Variants in ADGRL2 observed in about 807,000 individuals in gnomAD.
ADGRL2 encodes the protein calcium-independent alpha-latrotoxin receptor 2.
A neutral mutation model predicts 157.4 loss-of-function variants in ADGRL2; 44 were observed. The observed-to-expected ratio is 0.28, with a 90% CI of 0.22 to 0.36. The LOEUF is 0.36. ADGRL2 is among the 10% of genes least tolerant of loss of function. The probability of loss-of-function intolerance (pLI) is 1.00; values close to 1 mark genes in which losing one functional copy is unlikely to be tolerated. For missense variants in ADGRL2, 1,510 were observed against 1,768.9 expected, an observed-to-expected ratio of 0.85 and a Z score of 2.63; for synonymous variants, 585 against 624.7, an observed-to-expected ratio of 0.94 and a Z score of 0.95.
chr1:81,510,128 G>A (rs2079049448), intron 2 of ADGRL2, among the ~76,000 whole-genome samples: 1 of 152,078 alleles, frequency 6.6e-6, no homozygotes, highest in African/African-American at 2.4e-5. Flanking sequence ...TGCCTCTTTC[G>A]AAATCAAAGG....
chr1:81,524,225 A>C (rs1333532936), intron 2 of ADGRL2, among the ~76,000 whole-genome samples: 1 of 151,156 alleles, frequency 6.6e-6, no homozygotes, highest in Non-Finnish European at 1.5e-5. Context: ...AATTAGCCGG[A>C]TGTGGTGACG....
intron 1 of ADGRL2, among the ~76,000 whole-genome samples, chr1:81,741,515 G>A (rs1047066037): frequency 6.6e-6 from 1 of 151,864 alleles, no homozygotes; most frequent in African/African-American, 2.4e-5. Flanking sequence ...TTCTTATAAG[G>A]CTTGGGATCT....
intron 1 of ADGRL2, among the ~76,000 whole-genome samples, chr1:81,343,888 G>A (rs1429667298): frequency 2.6e-5 from 4 of 152,120 alleles, no homozygotes; most frequent in African/African-American, 7.2e-5. Flanking sequence ...AATACATTTG[G>A]GAGTGGGACT....
chr1:81,687,565 A>G (rs905937734), intron 3 of ADGRL2, among the ~76,000 whole-genome samples: 4 of 152,180 alleles, frequency 2.6e-5, no homozygotes, highest in Non-Finnish European at 4.4e-5. Flanking sequence ...TGAAGGCATC[A>G]GATGGTTGGT....
At chr1:81,770,153 CTTTTTTTTTTTTTTT>C (rs150798264) in intron 2 of ADGRL2, among the ~76,000 whole-genome samples, 1 of 59,612 alleles carries the variant, frequency 1.7e-5, no homozygotes, top group African/African-American at 7.6e-5. Flanking sequence ...CTGCACCCAG[CTTTTTTTTTTTTTTT>C]TTTTTTTTTT....
rs188906386 is a variant in ADGRL2 at position 81,621,991 on chromosome 1, C to T, written c.-143+41011C>T. ...AGTGGTTCCACCGTAGGTTGAAAGC[C>T]TCTCCGTCTTCAGTTATCATTTGAA... On this transcript the variant is annotated intron_variant, in intron 3 of 24. Coordinates refer to the ADGRL2 transcript ENST00000370721. 3.9e-5 allele frequency among the ~76,000 whole-genome samples: 6 copies of T among 152,248 alleles called. No individual in the cohort carries two copies. The East Asian group carries it at 1.2e-3, about 29-fold the overall frequency.
chr1:81,794,094 T>C (rs939903436), intron 2 of ADGRL2, among the ~76,000 whole-genome samples: 1 of 152,164 alleles, frequency 6.6e-6, no homozygotes, highest in African/African-American at 2.4e-5. Flanking sequence ...TCTCCTCATA[T>C]ATAGCAGTAA....
At position 81,343,502 on chromosome 1, in the gene ADGRL2, T is replaced by G. The variant is rs576315666; in HGVS notation, c.-302+36993T>G. ...AGAATTCAGAACTATCATTTCCTTGTGTCTGAGCTTAGGCTGCTATAACAA... is the reference window on the plus strand; with the variant it reads ...AGAATTCAGAACTATCATTTCCTTGGGTCTGAGCTTAGGCTGCTATAACAA... On this transcript the variant is annotated intron_variant, in intron 1 of 24. Transcript: ENST00000370721. Among the ~76,000 whole-genome samples, 13 of 152,336 alleles carry G rather than the reference T, an allele frequency of 8.5e-5. No individual in the cohort carries two copies. The South Asian group carries it at 2.7e-3, about 32-fold the overall frequency.
chr1:81,458,667 C>T (rs913315246), intron 2 of ADGRL2, among the ~76,000 whole-genome samples: 3 of 152,196 alleles, frequency 2.0e-5, no homozygotes, highest in Admixed American at 2.0e-4. Context: ...CACAAAGTGG[C>T]TTCCATGTTG....
intron 1 of ADGRL2, among the ~76,000 whole-genome samples, chr1:81,835,056 C>T (rs2092195291): frequency 6.6e-6 from 1 of 152,086 alleles, no homozygotes; most frequent in Non-Finnish European, 1.5e-5. Context: ...TTCTTCCTTC[C>T]TCCTCCTTCC....
intron 1 of ADGRL2, among the ~76,000 whole-genome samples, chr1:81,736,367 T>A (rs1458472178): frequency 1.3e-5 from 2 of 152,160 alleles, no homozygotes; most frequent in Non-Finnish European, 2.9e-5. Flanking sequence ...CCCCTTGATA[T>A]TGTAGGGAAT....
chr1:81,459,245 G>C (rs1000987532), intron 2 of ADGRL2, among the ~76,000 whole-genome samples: 5 of 152,136 alleles, frequency 3.3e-5, no homozygotes, highest in Non-Finnish European at 7.3e-5. Context: ...ACTGTCATTG[G>C]CTTGAAGGTC....
chr1:81,358,869 G>A (rs1420481840), intron 1 of ADGRL2, among the ~76,000 whole-genome samples: 1 of 151,994 alleles, frequency 6.6e-6, no homozygotes, highest in Non-Finnish European at 1.5e-5. Flanking sequence ...ATTACCTGGT[G>A]GTAGGAGAGA....
intron 1 of ADGRL2, among the ~76,000 whole-genome samples, chr1:81,434,078 A>G (rs1168991563): frequency 6.6e-6 from 1 of 152,294 alleles, no homozygotes; most frequent in Non-Finnish European, 1.5e-5. Context: ...CTAGTATGCT[A>G]TCTCTTCTGC....
At position 81,925,851 on chromosome 1, in the gene ADGRL2, A is replaced by G. The variant is rs146960056; in HGVS notation, c.288-10877A>G. On this transcript the variant is annotated intron_variant, in intron 3 of 23. Transcript: ENST00000686636. ...TTCAGAGATTTATAATACTGACTAAATGACATTTCATCAAACATCTCAGGA... is the reference window on the plus strand; with the variant it reads ...TTCAGAGATTTATAATACTGACTAAGTGACATTTCATCAAACATCTCAGGA... 5.6e-3 allele frequency among the ~76,000 whole-genome samples: 849 copies of G among 152,156 alleles called. 11 individuals are homozygous for G. The highest frequency in any genetic ancestry group is 0.019 in the African/African-American group (799 of 41,554).
chr1:81,486,478 A>AT (rs1342714439), intron 2 of ADGRL2, among the ~76,000 whole-genome samples: 1 of 152,162 alleles, frequency 6.6e-6, no homozygotes, highest in African/African-American at 2.4e-5. Flanking sequence ...ACATACTGAG[A>AT]TTTTAAAAGC....
chr1:81,633,759 CTTG>C (rs983519163), intron 3 of ADGRL2, among the ~76,000 whole-genome samples: 3 of 152,110 alleles, frequency 2.0e-5, no homozygotes, highest in Non-Finnish European at 2.9e-5. Context: ...ATCGTTAAGT[CTTG>C]TTGTTTCCAC....
Position 81,620,876 on chromosome 1 carries a change from G to A in ADGRL2, c.-143+39896G>A, listed in dbSNP as rs182675790. On this transcript the variant is annotated intron_variant, in intron 3 of 24. Coordinates refer to the ADGRL2 transcript ENST00000370721. ...TCAGACAAGGCCTCCGATGAACACG[G>A]AAGCAGAGCAGGGCCAAATGTGAAT... Among the ~76,000 whole-genome samples, 337 of 152,348 alleles carry A rather than the reference G, an allele frequency of 2.2e-3. 1 individual carries two copies. Among genetic ancestry groups the A allele is most frequent in the African/African-American group, 7.6e-3 (317 of 41,588 alleles).
chr1:81,449,911 C>T (rs1166297280), intron 2 of ADGRL2, among the ~76,000 whole-genome samples: 2 of 152,092 alleles, frequency 1.3e-5, no homozygotes, highest in African/African-American at 4.8e-5. Context: ...TTTTAAGACC[C>T]AAATGTTGGT....
Sources: gnomAD v4.1 joint callset for allele counts (sites outside exome capture counted in the v4.1 genomes callset) on GRCh38, gnomAD v4.1.1 for gene constraint, MANE v1.5 for transcripts, NCBI Gene and HGNC (gene_info 2026-07-23, HGNC 2026-07-21) for gene names.